CDK6: variants seen among roughly 807,000 people sequenced by gnomAD.
CDK6 encodes the protein cyclin-dependent kinase 6.
In CDK6, 6 loss-of-function variants were observed where a neutral mutation model predicts 37.1. The ratio of observed to expected loss-of-function variants is 0.16; its 90% confidence interval spans 0.09 to 0.32. CDK6 has a LOEUF of 0.32. CDK6 is among the 10% of genes least tolerant of loss of function. The pLI, the probability that CDK6 is intolerant of heterozygous loss-of-function variation, is 1.00. For missense variants in CDK6, 224 were observed against 418.9 expected (o/e 0.53, Z 4.06); for synonymous variants, 160 against 161.3 (o/e 0.99, Z 0.06).
intron 3 of CDK6, among the ~76,000 whole-genome samples, chr7:92,735,893 G>A (rs1798773136): frequency 6.6e-6 from 1 of 152,138 alleles, no homozygotes; most frequent in Non-Finnish European, 1.5e-5. Flanking sequence ...TTTACTGACT[G>A]CTTGCCAAGT....
At chr7:92,737,295 TTATAA>T (rs752210257) in intron 3 of CDK6, among the ~76,000 whole-genome samples, 57 of 152,222 alleles carry the variant, frequency 3.7e-4, no homozygotes, top group Non-Finnish European at 7.5e-4. Flanking sequence ...CAAACACAAC[TTATAA>T]TATAATCCTT....
intron 7 of CDK6, among the ~76,000 whole-genome samples, chr7:92,616,424 C>T (rs1030093138): frequency 3.3e-5 from 5 of 152,130 alleles, no homozygotes; most frequent in Admixed American, 3.3e-4. Context: ...CTGATTTATC[C>T]TGAGATCCCC....
intron 4 of CDK6, among the ~76,000 whole-genome samples, chr7:92,721,919 G>C (rs1798378756): frequency 6.6e-6 from 1 of 152,168 alleles, no homozygotes; most frequent in Non-Finnish European, 1.5e-5. Context: ...TACCTGTCTA[G>C]AACAACTAAT....
intron 5 of CDK6, among the ~76,000 whole-genome samples, chr7:92,629,891 T>C (rs1282408074): frequency 3.3e-5 from 5 of 152,124 alleles, no homozygotes; most frequent in African/African-American, 1.2e-4. Context: ...GGCTTGTACC[T>C]GCCTTCTTGC....
intron 3 of CDK6, 71 bp from the exon 4 acceptor site, chr7:92,725,864 C>G (rs749662950): frequency 2.1e-6 from 3 of 1,406,198 alleles, no homozygotes; most frequent in African/African-American, 2.9e-5. Flanking sequence ...TGCTGGACGC[C>G]GAATCCTTAG....
intron 2 of CDK6, among the ~76,000 whole-genome samples, chr7:92,814,603 T>C: frequency 6.6e-6 from 1 of 151,588 alleles, no homozygotes; most frequent in Non-Finnish European, 1.5e-5. Flanking sequence ...AAAATTTATT[T>C]TAAGAAGTGT....
At chr7:92,618,644 T>C (rs1199199095) in intron 6 of CDK6, among the ~76,000 whole-genome samples, 1 of 152,222 alleles carries the variant, frequency 6.6e-6, no homozygotes, top group African/African-American at 2.4e-5. Flanking sequence ...GATTTTATGA[T>C]GCTCATCCAA....
At chr7:92,680,296 G>T (rs1797302507) in intron 4 of CDK6, among the ~76,000 whole-genome samples, 1 of 151,118 alleles carries the variant, frequency 6.6e-6, no homozygotes, top group Admixed American at 6.6e-5. Context: ...GTCGGGCATG[G>T]TGGTGCATGC....
chr7:92,695,537 T>A (rs150513912), intron 4 of CDK6, among the ~76,000 whole-genome samples: 5 of 152,318 alleles, frequency 3.3e-5, no homozygotes, highest in Middle Eastern at 3.4e-3. Flanking sequence ...CTAAGTTCCA[T>A]GTGAAGCCCC....
At chr7:92,641,420 T>A (rs1036781815) in intron 5 of CDK6, among the ~76,000 whole-genome samples, 7 of 152,250 alleles carry the variant, frequency 4.6e-5, no homozygotes, top group African/African-American at 1.7e-4. Context: ...TGTATTTTGA[T>A]GCCCAAATTG....
intron 5 of CDK6, among the ~76,000 whole-genome samples, chr7:92,653,196 G>A (rs1796614997): frequency 6.6e-6 from 1 of 152,078 alleles, no homozygotes; most frequent in Non-Finnish European, 1.5e-5. Flanking sequence ...TGAATTCCAT[G>A]GATTGTCTCC....
chr7:92,808,470 A>C (rs1800783641), intron 2 of CDK6, among the ~76,000 whole-genome samples: 2 of 152,254 alleles, frequency 1.3e-5, no homozygotes, highest in Non-Finnish European at 2.9e-5. Flanking sequence ...CAAATGATTC[A>C]CTTAAAGTGC....
At chr7:92,627,464 G>T (rs780417603) in intron 5 of CDK6, among the ~76,000 whole-genome samples, 12 of 152,054 alleles carry the variant, frequency 7.9e-5, no homozygotes, top group Non-Finnish European at 1.3e-4. Flanking sequence ...AGGCTCCCTT[G>T]TCCCTTTCAC....
rs942652716 is a variant in CDK6, at chr7:92,606,218, C to T, written c.*8922G>A. The T allele has an allele frequency of 1.7e-5, 4 of 233,376 alleles. No individual in the cohort carries two copies. Among genetic ancestry groups the T allele is most frequent in the Admixed American group, 5.6e-5 (1 of 17,770 alleles). The allele number at this position is 233,376 out of a possible 1,614,324, so 14.5% of individuals were successfully genotyped here. A position where few individuals can be genotyped will look rare whatever the true frequency, so the allele number is the denominator to read the frequency against. On this transcript the variant is annotated 3_prime_UTR_variant, in exon 8 of 8. Coordinates refer to ENST00000424848, the MANE Select transcript of CDK6 (RefSeq NM_001145306.2). The stretch of plus-strand genomic sequence containing the variant: ...TTGATTAGTTTTTCTCTTGGTACCA[C>T]AGCCAAAACTGAATGCTCTGTACAA...
At chr7:92,737,547 T>C (rs760577241) in intron 3 of CDK6, among the ~76,000 whole-genome samples, 18 of 152,336 alleles carry the variant, frequency 1.2e-4, no homozygotes, top group Non-Finnish European at 2.9e-5. Context: ...GTGCTTTTTA[T>C]AGGATAATAA....
intron 2 of CDK6, among the ~76,000 whole-genome samples, chr7:92,789,314 T>C (rs1800223578): frequency 6.6e-6 from 1 of 152,002 alleles, no homozygotes; most frequent in African/African-American, 2.4e-5. Context: ...CAGGCTGAAA[T>C]AAAAGAACAT....
At chr7:92,693,888 G>A (rs893038704) in intron 4 of CDK6, among the ~76,000 whole-genome samples, 7 of 152,206 alleles carry the variant, frequency 4.6e-5, no homozygotes, top group Non-Finnish European at 2.9e-5. Context: ...TAAGCTGAAT[G>A]GTTGAAATGT....
intron 2 of CDK6, among the ~76,000 whole-genome samples, chr7:92,776,070 AC>A (rs1218273650): frequency 4.8e-5 from 4 of 82,840 alleles, no homozygotes; most frequent in Non-Finnish European, 1.0e-4. Context: ...TAACCCCCCC[AC>A]CCCGACAGGC....
intron 4 of CDK6, among the ~76,000 whole-genome samples, chr7:92,700,511 G>T (rs1797818778): frequency 6.6e-6 from 1 of 152,224 alleles, no homozygotes; most frequent in East Asian, 1.9e-4. Flanking sequence ...GGCCTGGGTG[G>T]CCAGGTAGAT....
Sources: allele counts gnomAD v4.1 joint callset (sites outside exome capture counted in the v4.1 genomes callset), GRCh38; gene constraint gnomAD v4.1.1; transcripts MANE v1.5; gene names NCBI Gene and HGNC (gene_info 2026-07-23, HGNC 2026-07-21).